The following ZNF44 variants were observed in gnomAD, a reference collection of about 807,000 sequenced individuals.
The protein encoded by ZNF44 is zinc finger protein 44.
A neutral mutation model predicts 11.7 loss-of-function variants in ZNF44; 9 were observed. That is an observed-to-expected ratio of 0.77 (90% CI 0.46 to 1.35). ZNF44 has a LOEUF of 1.35. ZNF44 is among the 40% of genes most tolerant of loss of function. ZNF44 has a pLI of 0.00. For synonymous variants in ZNF44, 224 were observed against 242.7 expected, an observed-to-expected ratio of 0.92 and a Z score of 0.72; for missense variants, 696 against 743.1, an observed-to-expected ratio of 0.94 and a Z score of 0.74.
intron 1 of ZNF44, among the ~76,000 whole-genome samples, chr19:12,277,518 A>G (rs1967279605): frequency 6.6e-6 from 1 of 151,954 alleles, no homozygotes; most frequent in Non-Finnish European, 1.5e-5. Context: ...AAAGATGCTT[A>G]AAAAAAACCT....
At chr19:12,246,718 A>G (rs1009292645), downstream of ZNF44, among the ~76,000 whole-genome samples, 1 of 152,204 alleles carries the variant, frequency 6.6e-6, no homozygotes, top group Non-Finnish European at 1.5e-5. Context: ...CAGAGTGCAG[A>G]GATCCACTTT....
chr19:12,275,915 T>G (rs1234594986), intron 2 of ZNF44, 41 bp downstream of exon 2: 6 of 1,548,318 alleles, frequency 3.9e-6, no homozygotes, highest in Non-Finnish European at 5.3e-6. Context: ...ACAAAACAAA[T>G]GTCTCTAATT....
At position 12,274,958 on chromosome 19, in the gene ZNF44, A is replaced by T; in HGVS notation, c.191+15T>A. 1.1e-5 allele frequency: 18 copies of T among 1,573,948 alleles called. No homozygotes were observed. Among genetic ancestry groups the T allele is most frequent in the Non-Finnish European group, 1.6e-5 (18 of 1,157,876 alleles). ...ACTGCAAGGACATCACCTGTCTCTTATAAGTACAAATTACCTTGGATTTCT... is the reference window on the plus strand; with the variant it reads ...ACTGCAAGGACATCACCTGTCTCTTTTAAGTACAAATTACCTTGGATTTCT... On this transcript the variant is annotated intron_variant, in intron 3 of 3. Coordinates refer to ENST00000355684, the MANE Select transcript of ZNF44 (RefSeq NM_016264.4).
In ZNF44 at chr19:12,271,861, G is replaced by C. The variant is rs1064330; in HGVS notation, c.*546C>G. The stretch of plus-strand genomic sequence containing the variant: ...ATCTAGACATTTATAGAGTATACAG[G>C]AGAATGTGGGTAGGTACATGCGAAT... On this transcript the variant is annotated 3_prime_UTR_variant, in exon 4 of 4. Coordinates refer to ENST00000355684, the MANE Select transcript of ZNF44 (RefSeq NM_016264.4). The C allele has an allele frequency of 6.6e-6, 1 of 152,190 alleles. No individual in the cohort carries two copies. The highest frequency in any genetic ancestry group is 1.5e-5 in the Non-Finnish European group (1 of 68,088). The allele number at this position is 152,190 out of a possible 1,614,324, so 9.4% of individuals were successfully genotyped here.
rs1967010835 is a variant in ZNF44 at position 12,272,782 on chromosome 19, A to G, written c.1473T>C (p.Phe491=). The G allele has an allele frequency of 6.2e-7, 1 of 1,613,914 alleles. No homozygotes were observed. Among genetic ancestry groups the G allele is most frequent in the Non-Finnish European group, 8.5e-7 (1 of 1,179,872 alleles). Residue 491 remains phenylalanine, a synonymous_variant, in exon 4 of 4, where the codon TTT becomes TTC. Coordinates refer to ENST00000355684, the MANE Select transcript of ZNF44 (RefSeq NM_016264.4). The part of the protein sequence containing the change: ...CGKAFSSFKY[F]CRHERTHSEE... The stretch of plus-strand genomic sequence containing the variant: ...CACTGTGAGTCCTTTCATGGCGACA[A>G]AAGTATTTAAAAGAACTAAATGCTT...
At chr19:12,254,574 A>C (rs1024965443) in intron 5 of ZNF44, among the ~76,000 whole-genome samples, 8 of 152,074 alleles carry the variant, frequency 5.3e-5, no homozygotes, top group African/African-American at 1.9e-4. Context: ...CTCTACTAAA[A>C]ATACAAAAAA....
In ZNF44 at chr19:12,274,166, C is replaced by G. The variant is rs1967109872; in HGVS notation, c.192-103G>C. 4 of 1,004,160 alleles carry G rather than the reference C, an allele frequency of 4.0e-6. No homozygotes were observed. In the South Asian group the frequency reaches 6.5e-5, roughly 16 times the overall value. The allele number at this position is 1,004,160 out of a possible 1,614,324, so 62.2% of individuals were successfully genotyped here. On this transcript the variant is annotated intron_variant, in intron 3 of 3. Coordinates refer to ENST00000355684, the MANE Select transcript of ZNF44 (RefSeq NM_016264.4). ...TTAACATTATCAGGCAAGCTATAAGCTTCATGTCCTGCTTCAATGTGAATG... is the reference window on the plus strand; with the variant it reads ...TTAACATTATCAGGCAAGCTATAAGGTTCATGTCCTGCTTCAATGTGAATG...
At chr19:12,232,363 A>G (rs1916199366) in intron 2 of ZNF44, among the ~76,000 whole-genome samples, 1 of 152,168 alleles carries the variant, frequency 6.6e-6, no homozygotes, top group South Asian at 2.1e-4. Context: ...TCCTCAGCAC[A>G]GACCCTTTAC....
At chr19:12,240,960 G>T (rs1053870041), upstream of ZNF44, among the ~76,000 whole-genome samples, 2 of 152,140 alleles carry the variant, frequency 1.3e-5, no homozygotes, top group Non-Finnish European at 2.9e-5. Context: ...AAACTTTTGT[G>T]CACCAAAAGA....
intron 5 of ZNF44, chr19:12,250,391 A>T: frequency 7.4e-7 from 1 of 1,342,916 alleles, no homozygotes; most frequent in Non-Finnish European, 9.9e-7. Context: ...AAATGTGTGT[A>T]AAGGAGAATG....
At chr19:12,262,190 G>T (rs1399699) in intron 5 of ZNF44, among the ~76,000 whole-genome samples, 60,039 of 151,982 alleles carry the variant, frequency 0.4, 13,262 homozygotes, top group African/African-American at 0.61. Context: ...CATAAGTTTT[G>T]AGTAGTTTCC....
At chr19:12,250,871 C>G (rs1163900972) in intron 5 of ZNF44, 1 of 453,384 alleles carries the variant, frequency 2.2e-6, no homozygotes, top group Non-Finnish European at 4.4e-6. Context: ...ACCATATTGT[C>G]CTGAGGTACT....
upstream of ZNF44, among the ~76,000 whole-genome samples, chr19:12,238,488 C>T (rs548499472): frequency 4.7e-4 from 71 of 152,144 alleles, no homozygotes; most frequent in South Asian, 0.012. Context: ...ATCAGCTGGG[C>T]GTGGTGGCAC....
At chr19:12,246,059 G>A (rs1916760409), downstream of ZNF44, among the ~76,000 whole-genome samples, 1 of 152,126 alleles carries the variant, frequency 6.6e-6, no homozygotes, top group East Asian at 1.9e-4. Flanking sequence ...TTGTCCCTAT[G>A]CATCTGTCTG....
chr19:12,239,012 ACT>A (rs758701707), upstream of ZNF44, among the ~76,000 whole-genome samples: 1 of 152,150 alleles, frequency 6.6e-6, no homozygotes, highest in Non-Finnish European at 1.5e-5. Context: ...CCAGCAGGAA[ACT>A]CTCACCTGGA....
intron 2 of ZNF44, among the ~76,000 whole-genome samples, chr19:12,275,703 T>A (rs1234793372): frequency 6.6e-6 from 1 of 152,198 alleles, no homozygotes; most frequent in Non-Finnish European, 1.5e-5. Flanking sequence ...GAATACAGTA[T>A]GCAATACATA....
intron 5 of ZNF44, among the ~76,000 whole-genome samples, chr19:12,251,246 A>G (rs1370435261): frequency 6.6e-6 from 1 of 151,236 alleles, no homozygotes; most frequent in African/African-American, 2.4e-5. Flanking sequence ...CAGGAGAATC[A>G]CTTGAATCTG....
In ZNF44 at chr19:12,250,776, A is replaced by C. The variant is rs142175358; in HGVS notation, c.1913-408T>G. 3.0e-4 allele frequency: 139 copies of C among 456,322 alleles called. 2 individuals carry two copies. The East Asian group carries it at 7.9e-3, about 26-fold the overall frequency. 28.3% of individuals were successfully genotyped at this position (456,322 alleles called of 1,614,324 possible). On this transcript the variant is annotated intron_variant and NMD_transcript_variant, in intron 5 of 7. Transcript: ENST00000393337. ...GTGGATGAATAAAAGCACACTGAAG[A>C]ACTAGAAGCTTTTTCTACTATTCCC...
intron 5 of ZNF44, among the ~76,000 whole-genome samples, chr19:12,252,051 C>CA (rs61116689): frequency 0.11 from 10,028 of 90,418 alleles, 1,113 homozygotes; most frequent in African/African-American, 0.32. Flanking sequence ...AACTCCATCT[C>CA]AAAAAAAAAA....
Sources: gnomAD v4.1 joint callset for allele counts (sites outside exome capture counted in the v4.1 genomes callset) on GRCh38, gnomAD v4.1.1 for gene constraint, MANE v1.5 for transcripts, NCBI Gene and HGNC (gene_info 2026-07-23, HGNC 2026-07-21) for gene names.